Variants in ZBTB20 observed in about 807,000 individuals in gnomAD.
ZBTB20 encodes the protein zinc finger and BTB domain-containing protein 20.
Under a neutral mutation model 56.9 loss-of-function variants are expected in ZBTB20, and 9 were observed. The ratio of observed to expected loss-of-function variants is 0.16; its 90% CI spans 0.10 to 0.28. The LOEUF is 0.28. Ranked by LOEUF, ZBTB20 falls within the 10% of genes least tolerant of loss-of-function variation. The pLI is 1.00. For synonymous variants in ZBTB20, 417 were observed against 420.7 expected (o/e 0.99, Z 0.11); for missense variants, 655 against 1,003.0 (o/e 0.65, Z 4.69).
intron 5 of ZBTB20, among the ~76,000 whole-genome samples, chr3:114,695,134 T>G (rs954828495): frequency 6.6e-6 from 1 of 151,900 alleles, no homozygotes; most frequent in African/African-American, 2.4e-5. Flanking sequence ...TGTTGCCACA[T>G]TAAAAGAAAA....
At chr3:114,715,388 G>T (rs2064401480) in intron 5 of ZBTB20, among the ~76,000 whole-genome samples, 1 of 152,116 alleles carries the variant, frequency 6.6e-6, no homozygotes, top group Non-Finnish European at 1.5e-5. Context: ...GGAAGGTTAG[G>T]GATAAGGTAT....
chr3:114,594,986 G>A (rs1482398276), intron 6 of ZBTB20, among the ~76,000 whole-genome samples: 9 of 152,126 alleles, frequency 5.9e-5, no homozygotes. Flanking sequence ...TCTTGATGCA[G>A]GCCATGTCAT....
At chr3:114,794,915 A>T (rs547745547) in intron 5 of ZBTB20, among the ~76,000 whole-genome samples, 1 of 152,190 alleles carries the variant, frequency 6.6e-6, no homozygotes, top group East Asian at 1.9e-4. Context: ...CACCAAAATT[A>T]AAAATGAGAT....
intron 5 of ZBTB20, among the ~76,000 whole-genome samples, chr3:114,768,614 T>C (rs1412725022): frequency 1.3e-5 from 2 of 152,168 alleles, no homozygotes. Context: ...AGACCTTGCC[T>C]TAACTGTACT....
At position 114,431,142 on chromosome 3, in the gene ZBTB20, A is replaced by C. The variant is rs551300230; in HGVS notation, c.-254-42037T>G. Among the ~76,000 whole-genome samples, 21 of 152,326 alleles carry C rather than the reference A, an allele frequency of 1.4e-4. 1 individual carries two copies. In the South Asian group the frequency reaches 4.3e-3, roughly 32 times the overall value. ...ACGAAAAACAGAAAAAGCAGGAAAA[A>C]GTACAGAAGAAGAAGGAGGAAGGAT... On this transcript the variant is annotated intron_variant, in intron 7 of 11. Coordinates refer to ENST00000675478, the MANE Select transcript of ZBTB20 (RefSeq NM_001348800.3).
intron 1 of ZBTB20, among the ~76,000 whole-genome samples, chr3:115,130,854 C>G (rs1426614288): frequency 6.6e-6 from 1 of 152,136 alleles, no homozygotes; most frequent in African/African-American, 2.4e-5. Flanking sequence ...CTGCACCTCC[C>G]AGGTTCAAGT....
At chr3:114,356,883 ACT>A (rs2081310810) in intron 10 of ZBTB20, among the ~76,000 whole-genome samples, 1 of 151,584 alleles carries the variant, frequency 6.6e-6, no homozygotes, top group South Asian at 2.1e-4. Context: ...GCACCACCCC[ACT>A]CTCTCTTTCT....
At chr3:114,915,926 T>C (rs1201329963) in intron 3 of ZBTB20, among the ~76,000 whole-genome samples, 1 of 152,080 alleles carries the variant, frequency 6.6e-6, no homozygotes. Flanking sequence ...AGAAGATATT[T>C]GATATTATTT....
intron 4 of ZBTB20, among the ~76,000 whole-genome samples, chr3:114,866,314 T>C (rs1485998705): frequency 6.6e-6 from 1 of 152,196 alleles, no homozygotes; most frequent in Non-Finnish European, 1.5e-5. Context: ...CCTATTGTTA[T>C]ACAGTAAGGG....
intron 7 of ZBTB20, among the ~76,000 whole-genome samples, chr3:114,408,739 G>A (rs922105253): frequency 1.4e-5 from 2 of 143,900 alleles, no homozygotes; most frequent in Non-Finnish European, 3.0e-5. Context: ...CCAATTTTTT[G>A]CAGTTTAAAA....
chr3:114,599,495 A>G (rs2056591732), intron 6 of ZBTB20: 3 of 152,060 alleles, frequency 2.0e-5, no homozygotes, highest in African/African-American at 7.2e-5. Context: ...TTCATGCAAA[A>G]TACCTTGGTA....
intron 5 of ZBTB20, among the ~76,000 whole-genome samples, chr3:114,785,838 A>G (rs1174552353): frequency 6.6e-6 from 1 of 152,126 alleles, no homozygotes. Context: ...GCAAGTCAGT[A>G]TTATTAACTA....
chr3:114,401,020 C>T (rs1227128296), intron 7 of ZBTB20, among the ~76,000 whole-genome samples: 1 of 150,882 alleles, frequency 6.6e-6, no homozygotes, highest in Non-Finnish European at 1.5e-5. Flanking sequence ...TTACATAACC[C>T]CTGGTAACTG....
At chr3:114,998,621 T>C (rs1313819994) in intron 2 of ZBTB20, among the ~76,000 whole-genome samples, 1 of 151,706 alleles carries the variant, frequency 6.6e-6, no homozygotes, top group Non-Finnish European at 1.5e-5. Context: ...GAGTGGATAA[T>C]TTCAAAGATG....
chr3:114,926,398 T>G (rs1174895424), intron 3 of ZBTB20, among the ~76,000 whole-genome samples: 1 of 152,202 alleles, frequency 6.6e-6, no homozygotes, highest in Admixed American at 6.5e-5. Context: ...TTGTCCAGAG[T>G]TTATAGCTAC....
At chr3:114,598,288 C>G (rs1027308025) in intron 6 of ZBTB20, among the ~76,000 whole-genome samples, 1 of 151,854 alleles carries the variant, frequency 6.6e-6, no homozygotes, top group African/African-American at 2.4e-5. Flanking sequence ...ATAGAAGACA[C>G]TTAATAAAGA....
At chr3:114,623,800 C>T (rs917052069) in intron 6 of ZBTB20, among the ~76,000 whole-genome samples, 3 of 151,720 alleles carry the variant, frequency 2.0e-5, no homozygotes, top group South Asian at 4.2e-4. Flanking sequence ...TACCTCCCTG[C>T]CCCCACTCAC....
intron 4 of ZBTB20, among the ~76,000 whole-genome samples, chr3:114,823,895 C>A (rs932961568): frequency 2.0e-5 from 3 of 151,812 alleles, no homozygotes; most frequent in African/African-American, 7.3e-5. Flanking sequence ...GTATTTTTGC[C>A]AAATTTTGTT....
intron 6 of ZBTB20, among the ~76,000 whole-genome samples, chr3:114,627,942 G>A (rs1468494213): frequency 6.6e-6 from 1 of 152,162 alleles, no homozygotes; most frequent in African/African-American, 2.4e-5. Context: ...TCCGGGCTGG[G>A]AGTTGGGAAA....
Sources: allele counts gnomAD v4.1 joint callset (sites outside exome capture counted in the v4.1 genomes callset), GRCh38; gene constraint gnomAD v4.1.1; transcripts MANE v1.5; gene names NCBI Gene and HGNC (gene_info 2026-07-23, HGNC 2026-07-21).